Variants in SUGCT observed in about 807,000 individuals in gnomAD.
The protein encoded by SUGCT is succinyl-CoA:glutarate-CoA transferase, also known as succinyl-CoA:glutarate CoA-transferase.
Under a neutral mutation model 55.0 loss-of-function variants are expected in SUGCT, and 41 were observed. That is an observed-to-expected ratio of 0.74 (90% CI 0.58 to 0.97). The LOEUF is 0.97. SUGCT is among the 50% of genes least tolerant of loss of function. The pLI is 0.00. For synonymous variants in SUGCT, 187 were observed against 200.4 expected (o/e 0.93, Z 0.56); for missense variants, 568 against 547.8 (o/e 1.04, Z -0.37).
the SUGCT span, among the ~76,000 whole-genome samples, chr7:40,963,681 G>A: frequency 1.3e-5 from 2 of 152,046 alleles, no homozygotes; most frequent in Non-Finnish European, 2.9e-5. Context: ...TACATATATC[G>A]ATAATCCTAG....
the SUGCT span, among the ~76,000 whole-genome samples, chr7:40,942,924 AAAATATC>A: frequency 1.3e-5 from 2 of 152,106 alleles, no homozygotes; most frequent in Admixed American, 6.6e-5. Flanking sequence ...TACTTTTTAA[AAAATATC>A]TGTCTCTTTA....
At chr7:40,184,068 G>A (rs1217009554) in intron 3 of SUGCT, among the ~76,000 whole-genome samples, 1 of 151,996 alleles carries the variant, frequency 6.6e-6, no homozygotes, top group Non-Finnish European at 1.5e-5. Context: ...TCAACTACTT[G>A]GAAGGCTGAG....
intron 12 of SUGCT, among the ~76,000 whole-genome samples, chr7:40,497,598 A>T (rs974535221): frequency 6.6e-6 from 1 of 152,200 alleles, no homozygotes; most frequent in Admixed American, 6.5e-5. Context: ...GTGATTCTTT[A>T]CAAGGAGGTA....
intron 9 of SUGCT, among the ~76,000 whole-genome samples, chr7:40,410,420 C>T (rs1786608835): frequency 6.6e-6 from 1 of 151,998 alleles, no homozygotes; most frequent in Admixed American, 6.6e-5. Flanking sequence ...CTTCAGCTTC[C>T]AGATTTGTTG....
chr7:40,978,038 G>A, the SUGCT span, among the ~76,000 whole-genome samples: 1 of 152,084 alleles, frequency 6.6e-6, no homozygotes, highest in Non-Finnish European at 1.5e-5. Flanking sequence ...TTATTGATAG[G>A]GTCTTGGATA....
Position 40,564,364 on chromosome 7 carries a change from G to A in SUGCT, c.1089+67978G>A, listed in dbSNP as rs536069159. 5.9e-5 allele frequency among the ~76,000 whole-genome samples: 9 copies of A among 152,298 alleles called. 1 individual carries two copies. In the East Asian group the frequency reaches 1.2e-3, roughly 20 times the overall value. On this transcript the variant is annotated intron_variant, in intron 12 of 13. Coordinates refer to ENST00000335693, the MANE Select transcript of SUGCT (RefSeq NM_001193313.2). ...GCACTCCAGCCTGGGCGACCTGGGCGACAGAGCGAGACTCCGTCTCAAAAA... is the reference window on the plus strand; with the variant it reads ...GCACTCCAGCCTGGGCGACCTGGGCAACAGAGCGAGACTCCGTCTCAAAAA...
At chr7:40,900,093 C>T in the SUGCT span, among the ~76,000 whole-genome samples, 4 of 152,190 alleles carry the variant, frequency 2.6e-5, no homozygotes, top group Admixed American at 2.6e-4. Context: ...AAGCATTGGC[C>T]AGGCTCTGGG....
At chr7:40,997,264 T>A in the SUGCT span, among the ~76,000 whole-genome samples, 55 of 152,316 alleles carry the variant, frequency 3.6e-4, 1 homozygote, top group Non-Finnish European at 6.9e-4. Context: ...CTGATTTTAC[T>A]TCCTGTCCCA....
chr7:40,999,252 G>C, the SUGCT span, among the ~76,000 whole-genome samples: 55 of 146,998 alleles, frequency 3.7e-4, 1 homozygote, highest in Non-Finnish European at 7.0e-4. Flanking sequence ...TATTCTTCTT[G>C]TCTTCCTGAA....
chr7:40,737,028 C>T (rs896461289), intron 12 of SUGCT, among the ~76,000 whole-genome samples: 3 of 151,954 alleles, frequency 2.0e-5, no homozygotes. Flanking sequence ...AATAGAAAAC[C>T]AAAATGCTGA....
chr7:40,554,482 A>C (rs1310527330), intron 12 of SUGCT, among the ~76,000 whole-genome samples: 2 of 152,230 alleles, frequency 1.3e-5, no homozygotes, highest in East Asian at 3.9e-4. Flanking sequence ...CTTCCATGGT[A>C]AATGTGAGAG....
intron 10 of SUGCT, among the ~76,000 whole-genome samples, chr7:40,450,810 C>A (rs903262402): frequency 6.6e-6 from 1 of 151,950 alleles, no homozygotes; most frequent in African/African-American, 2.4e-5. Context: ...TCCTGAATCT[C>A]ATTTACTGTA....
the SUGCT span, among the ~76,000 whole-genome samples, chr7:40,915,027 A>G: frequency 6.6e-6 from 1 of 152,142 alleles, no homozygotes; most frequent in Non-Finnish European, 1.5e-5. Context: ...TGCAAACCTA[A>G]TCAGGAAGAT....
chr7:40,321,576 T>A (rs1199909487), intron 9 of SUGCT, among the ~76,000 whole-genome samples: 1 of 151,266 alleles, frequency 6.6e-6, no homozygotes, highest in Non-Finnish European at 1.5e-5. Flanking sequence ...AGAGACGGGG[T>A]TTCACCATGT....
chr7:40,181,029 T>C lies in SUGCT; in HGVS notation c.152+31T>C, dbSNP rs184764320. ...TATTGGTTTATCTACATTTTGGTGATTGGGTTTTTCCCTTTCCTCAAAAAC... is the reference window on the plus strand; with the variant it reads ...TATTGGTTTATCTACATTTTGGTGACTGGGTTTTTCCCTTTCCTCAAAAAC... On this transcript the variant is annotated intron_variant, in intron 2 of 13. Transcript: ENST00000335693. The C allele has an allele frequency of 6.5e-6, 10 of 1,536,556 alleles. No homozygotes were observed. In the Admixed American group the frequency reaches 6.8e-5, roughly 11 times the overall value.
intron 10 of SUGCT, among the ~76,000 whole-genome samples, chr7:40,456,081 A>C (rs1789469799): frequency 6.6e-6 from 1 of 152,168 alleles, no homozygotes; most frequent in Non-Finnish European, 1.5e-5. Context: ...GATGGAGTGT[A>C]GTGGCATGAT....
intron 12 of SUGCT, among the ~76,000 whole-genome samples, chr7:40,666,332 A>G (rs1801626519): frequency 6.8e-6 from 1 of 148,076 alleles, no homozygotes; most frequent in Admixed American, 6.8e-5. Context: ...CTGGTGACAG[A>G]GCAAGACTCT....
At chr7:40,345,348 A>G (rs577521807) in intron 9 of SUGCT, among the ~76,000 whole-genome samples, 1 of 152,292 alleles carries the variant, frequency 6.6e-6, no homozygotes, top group African/African-American at 2.4e-5. Context: ...AAATATTTTT[A>G]TTCTTGTATT....
intron 3 of SUGCT, among the ~76,000 whole-genome samples, chr7:40,188,109 T>C (rs189653941): frequency 1.3e-5 from 2 of 151,736 alleles, no homozygotes; most frequent in Non-Finnish European, 2.9e-5. Flanking sequence ...GGTAGTACTA[T>C]TTTTATTTTT....
Sources: allele counts gnomAD v4.1 joint callset (sites outside exome capture counted in the v4.1 genomes callset), GRCh38; gene constraint gnomAD v4.1.1; transcripts MANE v1.5; gene names NCBI Gene and HGNC (gene_info 2026-07-23, HGNC 2026-07-21).